FBN2: variants seen among roughly 807,000 people sequenced by gnomAD.
The protein encoded by FBN2 is fibrillin-2.
In FBN2, 105 loss-of-function variants were observed where a neutral mutation model predicts 355.6. The observed-to-expected ratio is 0.30, with a 90% CI of 0.25 to 0.35. The LOEUF is 0.35. FBN2 is among the 10% of genes least tolerant of loss of function. The pLI is 1.00. For synonymous variants in FBN2, 1,350 were observed against 1,301.2 expected, an observed-to-expected ratio of 1.04 and a Z score of -0.81; for missense variants, 3,280 against 3,758.7, an observed-to-expected ratio of 0.87 and a Z score of 3.33.
intron 56 of FBN2, among the ~76,000 whole-genome samples, chr5:128,279,458 TGTTA>T (rs1321932354): frequency 2.6e-5 from 4 of 152,162 alleles, no homozygotes; most frequent in Admixed American, 2.6e-4. Flanking sequence ...AAAAGACTGA[TGTTA>T]GTTAGTAAAG....
intron 4 of FBN2, among the ~76,000 whole-genome samples, chr5:128,521,217 C>T (rs945890457): frequency 3.3e-5 from 5 of 152,066 alleles, no homozygotes; most frequent in Admixed American, 2.6e-4. Flanking sequence ...TCCTTTGCAG[C>T]GACATGGATG....
At chr5:128,403,129 C>A (rs1185417959) in intron 8 of FBN2, among the ~76,000 whole-genome samples, 1 of 151,938 alleles carries the variant, frequency 6.6e-6, no homozygotes, top group Non-Finnish European at 1.5e-5. Context: ...CAACAGCCAG[C>A]GTTACATAGA....
chr5:128,348,132 A>G (rs991748562), intron 23 of FBN2, among the ~76,000 whole-genome samples: 1 of 152,206 alleles, frequency 6.6e-6, no homozygotes, highest in Admixed American at 6.5e-5. Context: ...CTGAGTAATA[A>G]TTTACAATCA....
rs777941578 is a variant in FBN2, at chr5:128,303,085, A to T, written c.5805T>A (p.Val1935=). 1 of 1,590,564 alleles carries T rather than the reference A, an allele frequency of 6.3e-7. No individual in the cohort carries two copies. The part of the protein sequence containing the change: ...ASQDQTMCMD[V]DECERHPCGN... Reference sequence around the variant, plus strand: ...CACATGGATGCCGCTCGCACTCATCAACATCTATAAAGAAATATAGGCTCA... The same window carrying T: ...CACATGGATGCCGCTCGCACTCATCTACATCTATAAAGAAATATAGGCTCA... Residue 1935 remains valine, a synonymous_variant, in exon 46 of 65, where the codon GTT becomes GTA. Transcript: ENST00000262464.
In FBN2 at chr5:128,538,031, G is replaced by A. The variant is rs1756908233; in HGVS notation, c.-428C>T. 5.1e-6 allele frequency: 1 copy of A among 197,690 alleles called. No homozygotes were observed. Among genetic ancestry groups the A allele is most frequent in the Non-Finnish European group, 1.0e-5 (1 of 98,202 alleles). The allele number at this position is 197,690 out of a possible 1,614,324, so 12.2% of individuals were successfully genotyped here. On this transcript the variant is annotated 5_prime_UTR_variant, in exon 1 of 65. Coordinates refer to ENST00000262464, the MANE Select transcript of FBN2 (RefSeq NM_001999.4). ...CGGATTCCCGTGCGCTCCGAAGACGGATATTGGAAAGCTGCAAAAGTCACC... is the reference window on the plus strand; with the variant it reads ...CGGATTCCCGTGCGCTCCGAAGACGAATATTGGAAAGCTGCAAAAGTCACC...
Position 128,374,661 on chromosome 5 carries a change from G to T in FBN2, c.2062C>A (p.Leu688Met). 6.2e-7 allele frequency: 1 copy of T among 1,613,950 alleles called. No individual in the cohort carries two copies. The highest frequency in any genetic ancestry group is 1.7e-4 in the Middle Eastern group (1 of 6,058). ...GSFRCDCPPG[L>M]AVGMDGRVCV... is the part of the protein sequence containing the mutation. The stretch of plus-strand genomic sequence containing the variant: ...ACACGTCCATCCATGCCCACAGCCA[G>T]GCCTGGGGGACAGTCACAGCGGAAG... The change falls in exon 15 of 65, where the codon CTG (leucine) becomes ATG (methionine). Residue 688 changes from leucine (L) to methionine (M), a missense_variant. By Grantham distance (15) the Leu-to-Met change is conservative. Coordinates refer to ENST00000262464, the MANE Select transcript of FBN2 (RefSeq NM_001999.4).
At chr5:128,463,606 G>C (rs539530863) in intron 6 of FBN2, among the ~76,000 whole-genome samples, 41 of 152,138 alleles carry the variant, frequency 2.7e-4, no homozygotes, top group African/African-American at 9.4e-4. Context: ...CTGCTGTCAG[G>C]GACACATTTA....
chr5:128,315,002 T>C (rs935445637), intron 36 of FBN2, among the ~76,000 whole-genome samples: 1 of 152,296 alleles, frequency 6.6e-6, no homozygotes, highest in South Asian at 2.1e-4. Flanking sequence ...TGTGTCTCTG[T>C]ATGGGCCTGT....
intron 5 of FBN2, among the ~76,000 whole-genome samples, chr5:128,490,287 G>T (rs948987049): frequency 4.6e-5 from 7 of 152,176 alleles, no homozygotes; most frequent in Admixed American, 4.6e-4. Context: ...TTTAACAGAT[G>T]TTAGCCATAC....
At chr5:128,270,847 T>A (rs1319684015) in intron 62 of FBN2, among the ~76,000 whole-genome samples, 1 of 152,216 alleles carries the variant, frequency 6.6e-6, no homozygotes, top group African/African-American at 2.4e-5. Flanking sequence ...CTACAACAGT[T>A]TTTTTCTATG....
intron 4 of FBN2, 113 bp from the exon 5 acceptor site, chr5:128,519,481 T>C (rs1181060749): frequency 1.3e-6 from 1 of 767,036 alleles, no homozygotes; most frequent in East Asian, 2.7e-5. Flanking sequence ...TACATTATGT[T>C]AATTAAACTG....
chr5:128,395,203 T>C lies in FBN2; in HGVS notation c.1150A>G (p.Thr384Ala), dbSNP rs1752615640. The C allele has an allele frequency of 6.2e-7, 1 of 1,614,014 alleles. No individual in the cohort carries two copies. Among genetic ancestry groups the C allele is most frequent in the Non-Finnish European group, 8.5e-7 (1 of 1,180,026 alleles). ...GGCTCACAGCAGCACTGCATTTTCG[T>C]CATTCTCCCCGGGAGCTCTTGTGCA... ...RCAQELPGRM[T>A]KMQCCCEPGR... Residue 384 changes from threonine to alanine, a missense_variant, in exon 9 of 65, where the codon ACG (threonine) becomes GCG (alanine). This residue lies in a region of FBN2 where 343 missense variants were observed against 331.0 expected (regional missense o/e 1.04). Transcript: ENST00000262464.
intron 7 of FBN2, among the ~76,000 whole-genome samples, chr5:128,441,490 G>GT (rs1182954098): frequency 6.6e-6 from 1 of 152,162 alleles, no homozygotes; most frequent in African/African-American, 2.4e-5. Flanking sequence ...TTGTGCCTCA[G>GT]TTTTTTCATC....
intron 36 of FBN2, among the ~76,000 whole-genome samples, chr5:128,313,852 CAAAAAAAAAAAA>C (rs70997367): frequency 8.3e-5 from 4 of 48,244 alleles, no homozygotes; most frequent in Admixed American, 3.0e-4. Context: ...GACTCTGTCT[CAAAAAAAAAAAA>C]AAAAAAAAAA....
chr5:128,309,095 G>A lies in FBN2; in HGVS notation c.5353+152C>T, dbSNP rs150742642. ...AAGTTAGTGTTTGAATCCCAAAGAG[G>A]ATCACTTGGGAAACAGAACCATATG... On this transcript the variant is annotated intron_variant, in intron 41 of 64. Transcript: ENST00000262464. 1.4e-3 allele frequency: 1,037 copies of A among 728,560 alleles called. 9 individuals carry two copies. In the Middle Eastern group the frequency reaches 0.014, roughly 10 times the overall value. The allele number at this position is 728,560 out of a possible 1,614,324, so 45.1% of individuals were successfully genotyped here.
chr5:128,517,906 T>C (rs986865870), intron 5 of FBN2, among the ~76,000 whole-genome samples: 1 of 152,202 alleles, frequency 6.6e-6, no homozygotes, highest in Non-Finnish European at 1.5e-5. Flanking sequence ...GCACTGAGGA[T>C]GTAAATAACA....
chr5:128,263,615 A>G lies in FBN2; in HGVS notation c.8002T>C (p.Ser2668Pro). The part of the protein sequence containing the change: ...CSNPNACGSA[S>P]CYNTLGSYKC... Reference sequence around the variant, plus strand: ...TAACTCCCCAGGGTGTTGTAGCAGGAAGCAGAGCCACAGGCATTGGGATTG... The same window carrying G: ...TAACTCCCCAGGGTGTTGTAGCAGGGAGCAGAGCCACAGGCATTGGGATTG... Residue 2668 changes from serine (S) to proline (P), a missense_variant, in exon 63 of 65, where the codon TCC becomes CCC. Physicochemically the swap from Ser to Pro is moderately conservative, Grantham distance 74. Coordinates refer to ENST00000262464, the MANE Select transcript of FBN2 (RefSeq NM_001999.4). 1 of 1,614,146 alleles carries G rather than the reference A, an allele frequency of 6.2e-7. No individual in the cohort carries two copies. The highest frequency in any genetic ancestry group is 1.1e-5 in the South Asian group (1 of 91,080).
intron 7 of FBN2, among the ~76,000 whole-genome samples, chr5:128,438,115 C>A (rs769131098): frequency 1.3e-5 from 2 of 152,150 alleles, no homozygotes; most frequent in African/African-American, 4.8e-5. Context: ...CTCAAGCCTC[C>A]GGAGTAGCTG....
At chr5:128,286,493 T>C (rs1175546961) in intron 55 of FBN2, among the ~76,000 whole-genome samples, 2 of 152,222 alleles carry the variant, frequency 1.3e-5, no homozygotes, top group African/African-American at 4.8e-5. Context: ...TTCTTTAAAA[T>C]ATGAAAAATC....
Sources: gnomAD v4.1 joint callset for allele counts (sites outside exome capture counted in the v4.1 genomes callset) on GRCh38, gnomAD v4.1.1 for gene constraint, gnomAD v4.1.1 regional missense constraint, MANE v1.5 for transcripts, NCBI Gene and HGNC (gene_info 2026-07-23, HGNC 2026-07-21) for gene names.